Variants in ADAMTS19 observed in about 807,000 individuals in gnomAD.
The protein encoded by ADAMTS19 is A disintegrin and metalloproteinase with thrombospondin motifs 19.
A neutral mutation model predicts 153.3 loss-of-function variants in ADAMTS19; 93 were observed. The ratio of observed to expected loss-of-function variants is 0.61; its 90% CI spans 0.51 to 0.72. ADAMTS19 has a LOEUF of 0.72. Ranked by LOEUF, ADAMTS19 falls within the 30% of genes least tolerant of loss-of-function variation. The probability of loss-of-function intolerance (pLI) is 0.00; values close to 1 mark genes in which losing one functional copy is unlikely to be tolerated. For missense variants in ADAMTS19, 1,482 were observed against 1,552.1 expected (o/e 0.95, Z 0.76); for synonymous variants, 600 against 556.6 (o/e 1.08, Z -1.10).
chr5:129,703,856 A>T (rs527596534), intron 20 of ADAMTS19, among the ~76,000 whole-genome samples: 1 of 152,368 alleles, frequency 6.6e-6, no homozygotes, highest in East Asian at 1.9e-4. Flanking sequence ...TTCCATCTAA[A>T]TAAAAGAGTA....
chr5:129,566,251 G>A (rs1431726822), intron 7 of ADAMTS19, among the ~76,000 whole-genome samples: 1 of 152,046 alleles, frequency 6.6e-6, no homozygotes, highest in Non-Finnish European at 1.5e-5. Flanking sequence ...CTGAGATAAT[G>A]GAAATGTTTG....
chr5:129,560,264 G>A (rs916525026), intron 7 of ADAMTS19, among the ~76,000 whole-genome samples: 2 of 152,156 alleles, frequency 1.3e-5, no homozygotes, highest in Non-Finnish European at 2.9e-5. Flanking sequence ...ACAGAGTCTA[G>A]GTTAAAGTAG....
At chr5:129,681,718 C>A (rs1754824318) in intron 17 of ADAMTS19, among the ~76,000 whole-genome samples, 1 of 152,120 alleles carries the variant, frequency 6.6e-6, no homozygotes, top group Admixed American at 6.5e-5. Flanking sequence ...TTATACCAAA[C>A]TGCCTTAAAT....
At chr5:129,706,312 G>A (rs1178896072) in intron 21 of ADAMTS19, among the ~76,000 whole-genome samples, 4 of 152,224 alleles carry the variant, frequency 2.6e-5, no homozygotes, top group Admixed American at 2.0e-4. Context: ...GCTCACGCCT[G>A]TAATCCCAGC....
chr5:129,567,225 T>A (rs774830779), intron 7 of ADAMTS19, among the ~76,000 whole-genome samples: 1 of 152,150 alleles, frequency 6.6e-6, no homozygotes. Flanking sequence ...CCAAACTAGG[T>A]TGATTTTATG....
At chr5:129,480,547 TAAG>T (rs1286111041) in intron 2 of ADAMTS19, among the ~76,000 whole-genome samples, 1 of 152,090 alleles carries the variant, frequency 6.6e-6, no homozygotes, top group Non-Finnish European at 1.5e-5. Context: ...TCTTCATTAA[TAAG>T]AAGGCAGACA....
chr5:129,536,723 A>G (rs1223732971), intron 6 of ADAMTS19, among the ~76,000 whole-genome samples: 1 of 152,218 alleles, frequency 6.6e-6, no homozygotes, highest in Non-Finnish European at 1.5e-5. Flanking sequence ...ATGGAATACT[A>G]TGCAGCCATA....
intron 11 of ADAMTS19, among the ~76,000 whole-genome samples, chr5:129,645,226 A>G (rs1389407797): frequency 6.6e-6 from 1 of 152,242 alleles, no homozygotes; most frequent in Non-Finnish European, 1.5e-5. Flanking sequence ...AGTGTTTTCA[A>G]CAATACATAA....
chr5:129,672,446 A>G lies in ADAMTS19; in HGVS notation c.2506+6867A>G, dbSNP rs115490543. On this transcript the variant is annotated intron_variant, in intron 16 of 22. Coordinates refer to ENST00000274487, the MANE Select transcript of ADAMTS19 (RefSeq NM_133638.6). ...AACTATAAAGACCCACCTATACTTG[A>G]TTCTGGTAAGCAGGTGTAGACTTTG... 7.6e-3 allele frequency among the ~76,000 whole-genome samples: 1,160 copies of G among 152,298 alleles called. 13 individuals are homozygous for G. Among genetic ancestry groups the G allele is most frequent in the Middle Eastern group, 0.027 (8 of 294 alleles).
chr5:129,702,773 C>T lies in ADAMTS19; in HGVS notation c.3159+1181C>T, dbSNP rs143582926. Among the ~76,000 whole-genome samples, 933 of 151,460 alleles carry T rather than the reference C, an allele frequency of 6.2e-3. 13 individuals carry two copies. Among genetic ancestry groups the T allele is most frequent in the African/African-American group, 0.021 (854 of 41,240 alleles). On this transcript the variant is annotated intron_variant, in intron 20 of 22. Coordinates refer to ENST00000274487, the MANE Select transcript of ADAMTS19 (RefSeq NM_133638.6). ...AATCAAAACATTTTTGCAAACTCTTCGGGAGAAAATTGGTCAGAAATATTC... is the reference window on the plus strand; with the variant it reads ...AATCAAAACATTTTTGCAAACTCTTTGGGAGAAAATTGGTCAGAAATATTC...
At chr5:129,572,848 C>A (rs1278712730) in intron 7 of ADAMTS19, among the ~76,000 whole-genome samples, 2 of 151,422 alleles carry the variant, frequency 1.3e-5, no homozygotes, top group East Asian at 3.9e-4. Flanking sequence ...GGTCATTGCA[C>A]AAATCAATAG....
At chr5:129,719,548 G>A (rs530162654) in intron 21 of ADAMTS19, among the ~76,000 whole-genome samples, 33 of 152,186 alleles carry the variant, frequency 2.2e-4, no homozygotes, top group African/African-American at 7.5e-4. Flanking sequence ...AGATGTGGAA[G>A]TCTTTTCTTT....
At chr5:129,488,662 C>T (rs9784592) in intron 2 of ADAMTS19, among the ~76,000 whole-genome samples, 17,232 of 151,878 alleles carry the variant, frequency 0.11, 1,098 homozygotes, top group Middle Eastern at 0.17. Flanking sequence ...TCTTGAGTGC[C>T]CATTATGAAA....
chr5:129,696,653 C>T (rs1441993214), intron 19 of ADAMTS19, among the ~76,000 whole-genome samples: 2 of 152,118 alleles, frequency 1.3e-5, no homozygotes, highest in African/African-American at 4.8e-5. Flanking sequence ...TTTAGGAAGA[C>T]ATAAGATGTC....
intron 7 of ADAMTS19, among the ~76,000 whole-genome samples, chr5:129,577,041 G>C: frequency 6.6e-6 from 1 of 151,976 alleles, no homozygotes; most frequent in East Asian, 1.9e-4. Context: ...TAATTACTCA[G>C]TATTTTCACT....
At chr5:129,535,511 C>T (rs1200331203) in intron 6 of ADAMTS19, among the ~76,000 whole-genome samples, 1 of 152,120 alleles carries the variant, frequency 6.6e-6, no homozygotes, top group Non-Finnish European at 1.5e-5. Flanking sequence ...GATTCAATGC[C>T]ATCCCCATCA....
intron 13 of ADAMTS19, among the ~76,000 whole-genome samples, chr5:129,654,029 G>T (rs1753432004): frequency 6.6e-6 from 1 of 152,110 alleles, no homozygotes; most frequent in Non-Finnish European, 1.5e-5. Flanking sequence ...GGTCTGGATT[G>T]TGTGTGCTAG....
intron 14 of ADAMTS19, among the ~76,000 whole-genome samples, chr5:129,658,343 A>AAGAAAGAAAGAGAGAGAGAGAGAGAGAG (rs1554103334): frequency 9.8e-5 from 11 of 112,256 alleles, no homozygotes; most frequent in South Asian, 2.9e-4. Context: ...GAAAGAAAGA[A>AAGAAAGAAAGAGAGAGAGAGAGAGAGAG]AGAAAGAAAG....
At chr5:129,491,223 C>T (rs1171669581) in intron 2 of ADAMTS19, among the ~76,000 whole-genome samples, 1 of 151,990 alleles carries the variant, frequency 6.6e-6, no homozygotes, top group African/African-American at 2.4e-5. Flanking sequence ...AGGATGGTCT[C>T]GATCTCCTGA....
Sources: gnomAD v4.1 joint callset for allele counts (sites outside exome capture counted in the v4.1 genomes callset) on GRCh38, gnomAD v4.1.1 for gene constraint, MANE v1.5 for transcripts, NCBI Gene and HGNC (gene_info 2026-07-23, HGNC 2026-07-21) for gene names.